Variants in ZNF875 observed in about 807,000 individuals in gnomAD.
ZNF875 encodes zinc finger protein 875, also known as HKR1, GLI-Kruppel zinc finger family member.
In ZNF875, 14 loss-of-function variants were observed where a neutral mutation model predicts 11.2. The observed-to-expected ratio is 1.26, with a 90% CI of 0.83 to 1.96. The LOEUF (loss-of-function observed/expected upper bound fraction) is 1.96. Ranked by LOEUF, ZNF875 falls within the 30% of genes most tolerant of loss-of-function variation. The pLI, the probability that ZNF875 is intolerant of heterozygous loss-of-function variation, is 0.00. For missense variants in ZNF875, 752 were observed against 760.4 expected, an observed-to-expected ratio of 0.99 and a Z score of 0.13; for synonymous variants, 301 against 281.1, an observed-to-expected ratio of 1.07 and a Z score of -0.71.
chr19:37,339,603 C>T (rs2035268594), intron 2 of ZNF875, among the ~76,000 whole-genome samples: 1 of 130,830 alleles, frequency 7.6e-6, no homozygotes, highest in Non-Finnish European at 1.5e-5. Context: ...CCCACTGCAT[C>T]AGGCTGGGAT....
chr19:37,334,834 G>A (rs1001340296), intron 1 of ZNF875, 52 bp downstream of exon 1: 2 of 459,164 alleles, frequency 4.4e-6, no homozygotes, highest in African/African-American at 4.0e-5. Context: ...CCTGTGTTAC[G>A]GGGACGCCGG....
At chr19:37,339,867 A>C (rs533454912) in intron 2 of ZNF875, among the ~76,000 whole-genome samples, 50 of 152,052 alleles carry the variant, frequency 3.3e-4, no homozygotes, top group African/African-American at 1.2e-3. Flanking sequence ...GCTGGCCCTG[A>C]ACCCTGCCAG....
At chr19:37,333,000 C>T (rs1372498247), upstream of ZNF875, among the ~76,000 whole-genome samples, 3 of 152,176 alleles carry the variant, frequency 2.0e-5, no homozygotes, top group Admixed American at 6.5e-5. Flanking sequence ...GCTGTAAATG[C>T]TTTCCTAGAT....
Position 37,363,410 on chromosome 19 carries a change from A to AC in ZNF875, c.1561dup (p.Leu521ProfsTer28). The AC allele has an allele frequency of 6.2e-7, 1 of 1,613,706 alleles. No individual in the cohort carries two copies. Among genetic ancestry groups the AC allele is most frequent in the African/African-American group, 1.3e-5 (1 of 74,890 alleles). Reference sequence around the variant, plus strand: ...TGGACGAGGCTTTAATGATAAGTCCACCCTCATTTCACACCAGAGGACACA... The same window carrying AC: ...TGGACGAGGCTTTAATGATAAGTCCACCCCTCATTTCACACCAGAGGACACA... On this transcript the variant is annotated frameshift_variant, in exon 5 of 5. Coordinates refer to ENST00000392153, the MANE Select transcript of ZNF875 (RefSeq NM_001353803.2). LOFTEE classifies it low-confidence loss of function (END_TRUNC).
At chr19:37,354,912 C>T (rs1200425817) in intron 4 of ZNF875, among the ~76,000 whole-genome samples, 2 of 152,212 alleles carry the variant, frequency 1.3e-5, no homozygotes, top group Non-Finnish European at 2.9e-5. Context: ...TACCATCCAA[C>T]CTCCAGAATT....
chr19:37,363,576 T>C lies in ZNF875; in HGVS notation c.1724T>C (p.Leu575Pro), dbSNP rs149184536. ...CAAGGCTTTTGTGCTAAGTTAACTC[T>C]CATTAAACACCAGAGAGCACACGCA... Reference protein sequence around the residue: ...CGQGFCAKLTLIKHQRAHAGG... With the variant: ...CGQGFCAKLTPIKHQRAHAGG... Residue 575 changes from leucine to proline, a missense_variant, in exon 5 of 5, where the codon CTC becomes CCC. Physicochemically the swap from Leu to Pro is moderately conservative, Grantham distance 98. Transcript: ENST00000392153. The C allele has an allele frequency of 6.2e-7, 1 of 1,613,740 alleles. No homozygotes were observed. The highest frequency in any genetic ancestry group is 8.5e-7 in the Non-Finnish European group (1 of 1,179,904).
chr19:37,357,383 A>G (rs560395952), intron 4 of ZNF875, among the ~76,000 whole-genome samples: 1 of 152,194 alleles, frequency 6.6e-6, no homozygotes, highest in African/African-American at 2.4e-5. Flanking sequence ...GATGTTGGTA[A>G]TTTGATAGGA....
At chr19:37,351,372 A>G (rs2037866780) in intron 4 of ZNF875, among the ~76,000 whole-genome samples, 1 of 152,128 alleles carries the variant, frequency 6.6e-6, no homozygotes, top group South Asian at 2.1e-4. Context: ...GATTTTTGCA[A>G]AGAGTCAACT....
intron 4 of ZNF875, chr19:37,361,906 C>G (rs2039984783): frequency 1.9e-6 from 1 of 527,526 alleles, no homozygotes; most frequent in African/African-American, 2.5e-5. Context: ...GAAAGAAAGA[C>G]TCCGTTTAAA....
chr19:37,354,152 T>C (rs2038444378), intron 4 of ZNF875, among the ~76,000 whole-genome samples: 1 of 151,914 alleles, frequency 6.6e-6, no homozygotes, highest in Admixed American at 6.6e-5. Flanking sequence ...AATTCACTAA[T>C]CTTTCTTCTT....
chr19:37,363,016 T>A lies in ZNF875; in HGVS notation c.1164T>A (p.His388Gln). The change falls in exon 5 of 5, where the codon CAT (histidine) becomes CAA (glutamine). Residue 388 changes from histidine to glutamine, a missense_variant. His to Gln is a conservative substitution (Grantham distance 24). Transcript: ENST00000392153. ...ACCTGGTCAGACACAAGAGGACACA[T>A]TCAGGAGAGAAGCCTTACATTTGCA... is the stretch of plus-strand genomic sequence containing the variant. ...HSHLVRHKRT[H>Q]SGEKPYICRE... 1 of 1,613,700 alleles carries A rather than the reference T, an allele frequency of 6.2e-7. No homozygotes were observed.
At position 37,334,715 on chromosome 19, in the gene ZNF875, T is replaced by C; in HGVS notation, c.-124T>C. ...CCGGGAAGGCCTCCCTCTTAAGGTC[T>C]TTCCCACACCTCTGCACCTTGTTAC... is the stretch of plus-strand genomic sequence containing the variant. On this transcript the variant is annotated 5_prime_UTR_variant, in exon 1 of 5. Coordinates refer to ENST00000392153, the MANE Select transcript of ZNF875 (RefSeq NM_001353803.2). The C allele has an allele frequency of 2.2e-6, 1 of 456,120 alleles. No homozygotes were observed. The highest frequency in any genetic ancestry group is 4.4e-6 in the Non-Finnish European group (1 of 226,822). 28.3% of individuals were successfully genotyped at this position (456,120 alleles called of 1,614,324 possible).
upstream of ZNF875, among the ~76,000 whole-genome samples, chr19:37,329,964 T>TGTCTTTCTAAGGGCAGATTG (rs1358203028): frequency 6.6e-6 from 1 of 152,216 alleles, no homozygotes; most frequent in African/African-American, 2.4e-5. Flanking sequence ...TTAAATGCTG[T>TGTCTTTCTAAGGGCAGATTG]GTCTTTCTAA....
At chr19:37,319,541 A>G (rs2030940392) in intron 1 of ZNF875, among the ~76,000 whole-genome samples, 1 of 151,776 alleles carries the variant, frequency 6.6e-6, no homozygotes, top group Non-Finnish European at 1.5e-5. Context: ...CACATTGTTC[A>G]TAGGCCTTAT....
chr19:37,316,348 A>G (rs2030187262), upstream of ZNF875, among the ~76,000 whole-genome samples: 1 of 152,086 alleles, frequency 6.6e-6, no homozygotes, highest in South Asian at 2.1e-4. Context: ...TCCTTTGTCC[A>G]TTTCCTTTAT....
At chr19:37,358,132 T>TA in intron 4 of ZNF875, 11 of 238,520 alleles carry the variant, frequency 4.6e-5, no homozygotes, top group Non-Finnish European at 7.7e-5. Context: ...ATTAAGATGA[T>TA]CTTTTTTTTT....
At chr19:37,316,612 C>T (rs1245758312), upstream of ZNF875, among the ~76,000 whole-genome samples, 1 of 151,998 alleles carries the variant, frequency 6.6e-6, no homozygotes, top group Non-Finnish European at 1.5e-5. Context: ...TCAGGCAATC[C>T]ACCCGCCTCG....
intron 2 of ZNF875, chr19:37,344,735 C>A: frequency 6.2e-7 from 1 of 1,611,388 alleles, no homozygotes; most frequent in Non-Finnish European, 8.5e-7. Flanking sequence ...GCATGGTTCA[C>A]AGACAAACCA....
chr19:37,346,570 A>ATCT (rs2036808883), intron 2 of ZNF875: 1 of 153,990 alleles, frequency 6.5e-6, no homozygotes. Flanking sequence ...AGTCTCAGAA[A>ATCT]ATTTTCAAAC....
Sources: allele counts gnomAD v4.1 joint callset (sites outside exome capture counted in the v4.1 genomes callset), GRCh38; gene constraint gnomAD v4.1.1; transcripts MANE v1.5; gene names NCBI Gene and HGNC (gene_info 2026-07-23, HGNC 2026-07-21).